Variants in DCLK1 observed in about 807,000 individuals in gnomAD.
The protein encoded by DCLK1 is serine/threonine-protein kinase DCLK1.
A neutral mutation model predicts 86.2 loss-of-function variants in DCLK1; 16 were observed. The ratio of observed to expected loss-of-function variants is 0.19; its 90% CI spans 0.13 to 0.28. DCLK1 has a LOEUF of 0.28. Ranked by LOEUF, DCLK1 falls within the 10% of genes least tolerant of loss-of-function variation. The pLI is 1.00. For synonymous variants in DCLK1, 369 were observed against 370.5 expected (o/e 1.00, Z 0.05); for missense variants, 590 against 940.2 (o/e 0.63, Z 4.87).
At chr13:35,836,797 A>G (rs1409458481) in intron 7 of DCLK1, among the ~76,000 whole-genome samples, 1 of 152,214 alleles carries the variant, frequency 6.6e-6, no homozygotes. Context: ...TGTTAGTGCC[A>G]CTAACACAAC....
At chr13:35,964,876 A>C (rs930517223) in intron 3 of DCLK1, among the ~76,000 whole-genome samples, 2 of 152,112 alleles carry the variant, frequency 1.3e-5, no homozygotes, top group Admixed American at 1.3e-4. Flanking sequence ...ATAAAGTCTT[A>C]GGAACACAGC....
intron 9 of DCLK1, 148 bp downstream of exon 9, chr13:35,828,102 C>T (rs1314430684): frequency 1.5e-6 from 1 of 648,146 alleles, no homozygotes; most frequent in Non-Finnish European, 2.6e-6. Context: ...CAGGGATATA[C>T]ATAAAGTTAT....
At chr13:36,007,039 T>C (rs1395443243) in intron 3 of DCLK1, among the ~76,000 whole-genome samples, 1 of 152,188 alleles carries the variant, frequency 6.6e-6, no homozygotes, top group African/African-American at 2.4e-5. Context: ...GAAATCAAGA[T>C]CTTACCACTT....
At chr13:36,008,135 T>TA (rs1457870409) in intron 3 of DCLK1, among the ~76,000 whole-genome samples, 20 of 126,764 alleles carry the variant, frequency 1.6e-4, no homozygotes, top group African/African-American at 4.8e-4. Flanking sequence ...AACTTCTCTC[T>TA]AAAATTTTTT....
intron 15 of DCLK1, among the ~76,000 whole-genome samples, chr13:35,797,998 T>C (rs2086846052): frequency 6.6e-6 from 1 of 152,238 alleles, no homozygotes; most frequent in Non-Finnish European, 1.5e-5. Flanking sequence ...ATTATTACCA[T>C]ACGTTCTGGT....
intron 3 of DCLK1, among the ~76,000 whole-genome samples, chr13:36,069,253 TC>T (rs76940279): frequency 0.15 from 23,335 of 152,134 alleles, 2,183 homozygotes; most frequent in South Asian, 0.37. Context: ...GAAAAAGGTT[TC>T]AAGGGCTCTG....
chr13:36,113,503 T>C (rs1004059075), intron 2 of DCLK1, among the ~76,000 whole-genome samples: 1 of 152,180 alleles, frequency 6.6e-6, no homozygotes, highest in Non-Finnish European at 1.5e-5. Flanking sequence ...AACTTATATG[T>C]ATTTTTGATA....
intron 3 of DCLK1, among the ~76,000 whole-genome samples, chr13:36,002,358 C>T (rs1002939595): frequency 3.9e-5 from 6 of 152,290 alleles, no homozygotes; most frequent in South Asian, 2.1e-4. Context: ...AACCAATATT[C>T]GCTAGAATAA....
intron 12 of DCLK1, among the ~76,000 whole-genome samples, chr13:35,810,021 C>G (rs1182140854): frequency 6.6e-6 from 1 of 152,128 alleles, no homozygotes; most frequent in Admixed American, 6.5e-5. Flanking sequence ...AGTGCCCCAC[C>G]CTGTTATTCC....
intron 8 of DCLK1, among the ~76,000 whole-genome samples, chr13:35,830,526 T>C (rs951781283): frequency 2.6e-5 from 4 of 152,216 alleles, no homozygotes; most frequent in Non-Finnish European, 5.9e-5. Flanking sequence ...CCTGTAGAGT[T>C]TGTCTACAAA....
chr13:35,898,866 C>T (rs1027117784), intron 4 of DCLK1, among the ~76,000 whole-genome samples: 1 of 152,080 alleles, frequency 6.6e-6, no homozygotes, highest in Non-Finnish European at 1.5e-5. Context: ...CTCAGCCTCC[C>T]AAGTAACTGG....
chr13:36,015,084 C>A (rs189914740), intron 3 of DCLK1, among the ~76,000 whole-genome samples: 41 of 152,042 alleles, frequency 2.7e-4, no homozygotes, highest in African/African-American at 9.2e-4. Flanking sequence ...TCCGTGGGAG[C>A]AGTGATTATG....
At chr13:36,129,945 T>G (rs1321430282) in intron 1 of DCLK1, among the ~76,000 whole-genome samples, 1 of 152,120 alleles carries the variant, frequency 6.6e-6, no homozygotes, top group African/African-American at 2.4e-5. Flanking sequence ...TTCAGAAATT[T>G]ACACACATAT....
intron 3 of DCLK1, among the ~76,000 whole-genome samples, chr13:36,023,047 A>G (rs1249071396): frequency 6.6e-6 from 1 of 152,208 alleles, no homozygotes; most frequent in East Asian, 1.9e-4. Flanking sequence ...AGGAGTGTAT[A>G]CCATTAGCAA....
intron 3 of DCLK1, among the ~76,000 whole-genome samples, chr13:36,044,290 A>G (rs1045462933): frequency 1.3e-5 from 2 of 152,176 alleles, no homozygotes; most frequent in African/African-American, 4.8e-5. Context: ...TTTTCCATAT[A>G]AACTCCCCAG....
chr13:35,778,179 C>T (rs1210337379), intron 16 of DCLK1, among the ~76,000 whole-genome samples: 2 of 152,318 alleles, frequency 1.3e-5, no homozygotes, highest in Non-Finnish European at 2.9e-5. Flanking sequence ...GAGCACCCAC[C>T]TTCCGGTCCA....
intron 3 of DCLK1, among the ~76,000 whole-genome samples, chr13:36,055,600 T>C (rs1883273736): frequency 6.6e-6 from 1 of 152,200 alleles, no homozygotes; most frequent in South Asian, 2.1e-4. Context: ...TGTACTGCTG[T>C]TCAATTTATT....
At chr13:35,826,533 A>AGG (rs1868461251) in intron 10 of DCLK1, among the ~76,000 whole-genome samples, 2 of 21,882 alleles carry the variant, frequency 9.1e-5, no homozygotes, top group African/African-American at 1.5e-4. Context: ...CAAAAAAAAA[A>AGG]AAAAAAAAAG....
At chr13:36,008,338 G>C (rs1181653442) in intron 3 of DCLK1, among the ~76,000 whole-genome samples, 1 of 94,936 alleles carries the variant, frequency 1.1e-5, no homozygotes, top group Non-Finnish European at 2.0e-5. Flanking sequence ...TCGTCATCTA[G>C]CATTAGGTAT....
Sources: gnomAD v4.1 joint callset for allele counts (sites outside exome capture counted in the v4.1 genomes callset) on GRCh38, gnomAD v4.1.1 for gene constraint, MANE v1.5 for transcripts, NCBI Gene and HGNC (gene_info 2026-07-23, HGNC 2026-07-21) for gene names.